Variants in ITPR2 observed in about 807,000 individuals in gnomAD.
ITPR2 encodes the protein inositol 1,4,5-trisphosphate-gated calcium channel ITPR2.
Under a neutral mutation model 317.1 loss-of-function variants are expected in ITPR2, and 207 were observed. The observed-to-expected ratio is 0.65, with a 90% CI of 0.58 to 0.73. The LOEUF (loss-of-function observed/expected upper bound fraction) is 0.73, where lower values mean the gene tolerates loss of function less well. ITPR2 is among the 30% of genes least tolerant of loss of function. The probability of loss-of-function intolerance (pLI) is 0.00; values close to 1 mark genes in which losing one functional copy is unlikely to be tolerated. For synonymous variants in ITPR2, 1,156 were observed against 1,149.1 expected, an observed-to-expected ratio of 1.01 and a Z score of -0.12; for missense variants, 2,613 against 3,284.0, an observed-to-expected ratio of 0.80 and a Z score of 4.99.
chr12:26,699,866 G>C (rs1948414583), intron 9 of ITPR2, among the ~76,000 whole-genome samples: 1 of 151,812 alleles, frequency 6.6e-6, no homozygotes, highest in South Asian at 2.1e-4. Context: ...AAAGAAGGAG[G>C]AAAAAGACAT....
chr12:26,669,558 G>A (rs888287317), intron 13 of ITPR2, among the ~76,000 whole-genome samples: 11 of 152,166 alleles, frequency 7.2e-5, no homozygotes, highest in Admixed American at 2.6e-4. Context: ...TTACCAAGTC[G>A]GGGGAGGAGC....
At chr12:26,815,236 G>A (rs112694779) in intron 1 of ITPR2, among the ~76,000 whole-genome samples, 8 of 152,162 alleles carry the variant, frequency 5.3e-5, no homozygotes, top group African/African-American at 7.2e-5. Flanking sequence ...GGAGGCTGAG[G>A]CAGGAGAATC....
intron 2 of ITPR2, among the ~76,000 whole-genome samples, chr12:26,749,261 C>G (rs1053274435): frequency 3.3e-5 from 5 of 152,278 alleles, no homozygotes; most frequent in African/African-American, 1.2e-4. Flanking sequence ...GAACTCTGAT[C>G]CAAAGCAACA....
At chr12:26,510,006 T>TGTGTGTGTGTGTGG in intron 37 of ITPR2, among the ~76,000 whole-genome samples, 1 of 32,318 alleles carries the variant, frequency 3.1e-5, no homozygotes, top group Non-Finnish European at 5.7e-5. Flanking sequence ...GTGTGTGTGG[T>TGTGTGTGTGTGTGG]GGGGGGTGGG....
At chr12:26,359,527 CCTAT>C (rs1938755875) in intron 55 of ITPR2, among the ~76,000 whole-genome samples, 4 of 152,088 alleles carry the variant, frequency 2.6e-5, no homozygotes, top group Non-Finnish European at 4.4e-5. Flanking sequence ...GATAAGAATG[CCTAT>C]CTTTTAGGAT....
chr12:26,547,304 C>T (rs1239972915), intron 37 of ITPR2, among the ~76,000 whole-genome samples: 1 of 152,104 alleles, frequency 6.6e-6, no homozygotes, highest in Admixed American at 6.6e-5. Flanking sequence ...TGAAAAACTC[C>T]TCAACATCAC....
At chr12:26,515,191 T>C (rs555371045) in intron 37 of ITPR2, among the ~76,000 whole-genome samples, 27 of 152,226 alleles carry the variant, frequency 1.8e-4, no homozygotes, top group Non-Finnish European at 3.4e-4. Flanking sequence ...ATAGGAGCTT[T>C]GCATCATTTA....
chr12:26,695,841 T>G (rs1948335709), intron 9 of ITPR2, among the ~76,000 whole-genome samples, 191 bp from the exon 10 acceptor site: 1 of 152,190 alleles, frequency 6.6e-6, no homozygotes, highest in Non-Finnish European at 1.5e-5. Context: ...AGACAAAAGC[T>G]GACATGCCAA....
At chr12:26,725,991 A>G (rs1019539557) in intron 2 of ITPR2, 1 of 399,200 alleles carries the variant, frequency 2.5e-6, no homozygotes, top group Admixed American at 4.1e-5. Context: ...TAAGTTTTTT[A>G]AAGACTACGA....
intron 10 of ITPR2, among the ~76,000 whole-genome samples, chr12:26,687,146 T>A (rs77671430): frequency 0.2 from 29,568 of 150,498 alleles, 3,648 homozygotes; most frequent in East Asian, 0.55. Flanking sequence ...TATAATTGCA[T>A]AAGAAATAAA....
intron 45 of ITPR2, among the ~76,000 whole-genome samples, chr12:26,461,313 T>A (rs193150443): frequency 6.6e-6 from 1 of 152,138 alleles, no homozygotes; most frequent in East Asian, 1.9e-4. Flanking sequence ...ACTTCTCAAC[T>A]GTGAAGATTA....
intron 28 of ITPR2, 99 bp from the exon 29 acceptor site, chr12:26,600,208 C>A: frequency 9.8e-7 from 1 of 1,020,662 alleles, no homozygotes; most frequent in East Asian, 2.5e-5. Context: ...TTTCTCTCTG[C>A]CCATCTTTGA....
In ITPR2 at chr12:26,568,016, ATATAT is replaced by A; in HGVS notation, c.4631-6069_4631-6065del. On this transcript the variant is annotated intron_variant, in intron 34 of 56. Transcript: ENST00000381340. ...TATATATTATATATATTATATATATATATATATATATATATAAAATGTCAAAATGT... is the reference window on the plus strand; with the variant it reads ...TATATATTATATATATTATATATATAATATATATATAAAATGTCAAAATGT... Among the ~76,000 whole-genome samples, 3 of 96,470 alleles carry A rather than the reference ATATAT, an allele frequency of 3.1e-5. No individual in the cohort carries two copies. The South Asian group carries it at 9.2e-4, about 29-fold the overall frequency. 63.3% of individuals were successfully genotyped at this position (96,470 alleles called of 152,430 possible).
At chr12:26,341,000 G>GT (rs570429051) in intron 55 of ITPR2, among the ~76,000 whole-genome samples, 33 of 152,186 alleles carry the variant, frequency 2.2e-4, no homozygotes, top group Non-Finnish European at 3.7e-4. Context: ...TTTTGTGTGT[G>GT]TGTGTGTTTT....
intron 37 of ITPR2, among the ~76,000 whole-genome samples, chr12:26,503,446 A>C (rs928234232): frequency 5.9e-5 from 9 of 152,248 alleles, no homozygotes; most frequent in African/African-American, 2.2e-4. Context: ...TACATGGCAC[A>C]ACTCCAAAGG....
intron 45 of ITPR2, among the ~76,000 whole-genome samples, chr12:26,457,922 C>T (rs1941930580): frequency 6.6e-6 from 1 of 152,076 alleles, no homozygotes; most frequent in African/African-American, 2.4e-5. Context: ...AAAGTAAGTA[C>T]GTATTGTGCT....
intron 32 of ITPR2, among the ~76,000 whole-genome samples, chr12:26,586,088 A>G (rs2046410): frequency 0.27 from 41,797 of 152,022 alleles, 6,345 homozygotes; most frequent in Non-Finnish European, 0.34. Flanking sequence ...TCTTCATGTG[A>G]TGGTTATTAC....
chr12:26,799,369 C>T (rs528283818), intron 1 of ITPR2, among the ~76,000 whole-genome samples: 55 of 152,316 alleles, frequency 3.6e-4, no homozygotes, highest in African/African-American at 1.3e-3. Flanking sequence ...CTATTAACTA[C>T]CTTTTTAAAA....
At chr12:26,556,126 G>A (rs1394238299) in intron 36 of ITPR2, 107 bp downstream of exon 36, 9 of 996,952 alleles carry the variant, frequency 9.0e-6, no homozygotes, top group Non-Finnish European at 1.0e-5. Context: ...TAGACCTTTC[G>A]CATACTTTGC....
Sources: allele counts gnomAD v4.1 joint callset (sites outside exome capture counted in the v4.1 genomes callset), GRCh38; gene constraint gnomAD v4.1.1; transcripts MANE v1.5; gene names NCBI Gene and HGNC (gene_info 2026-07-23, HGNC 2026-07-21).